Variants in CLCN7 observed in about 807,000 individuals in gnomAD.
CLCN7 encodes the protein H(+)/Cl(-) exchange transporter 7.
In CLCN7, 60 loss-of-function variants were observed where a neutral mutation model predicts 102.1. The ratio of observed to expected loss-of-function variants is 0.59; its 90% confidence interval spans 0.48 to 0.73. CLCN7 has a LOEUF of 0.73. Ranked by LOEUF, CLCN7 falls within the 30% of genes least tolerant of loss-of-function variation. The pLI is 0.00. For synonymous variants in CLCN7, 560 were observed against 490.5 expected (o/e 1.14, Z -1.87); for missense variants, 962 against 1,125.7 (o/e 0.85, Z 2.08).
chr16:1,450,320 C>T, intron 17 of CLCN7, 177 bp downstream of exon 17: 1 of 583,910 alleles, frequency 1.7e-6, no homozygotes, highest in East Asian at 2.7e-5. Context: ...TACACGCTGC[C>T]ACCACAGCAG....
chr16:1,446,258 G>T lies in CLCN7; in HGVS notation c.*373C>A. The T allele has an allele frequency of 1.5e-6, 1 of 682,194 alleles. No individual in the cohort carries two copies. The highest frequency in any genetic ancestry group is 3.6e-4 in the Middle Eastern group (1 of 2,758). 42.3% of individuals were successfully genotyped at this position (682,194 alleles called of 1,614,324 possible). A position where few individuals can be genotyped will look rare whatever the true frequency, so the allele number is the denominator to read the frequency against. On this transcript the variant is annotated 3_prime_UTR_variant, in exon 25 of 25. Coordinates refer to ENST00000382745, the MANE Select transcript of CLCN7 (RefSeq NM_001287.6). ...GGCAGCCCTCGGGGCAGCAGCAGGG[G>T]CAAGGGCTCTGTCTCACGCACACGG...
At chr16:1,452,336 G>C (rs766726148) in intron 15 of CLCN7, 1 of 266,874 alleles carries the variant, frequency 3.7e-6, no homozygotes, top group Non-Finnish European at 7.4e-6. Flanking sequence ...GTTCCTCTGA[G>C]CGTAGTGCTT....
chr16:1,447,738 G>T, intron 21 of CLCN7, 24 bp from the exon 22 acceptor site: 1 of 1,549,060 alleles, frequency 6.5e-7, no homozygotes. Context: ...CCGCGGTCAG[G>T]GCCACGGGCC....
chr16:1,460,458 G>A lies in CLCN7; in HGVS notation c.554C>T (p.Ala185Val). ...SLLLWATLNA[A>V]FVLVGSVIVA... ...AATCACAGAGCCCACGAGCACGAAG[G>A]CGGCGTTCAGCGTGGCCCACAGCAA... is the stretch of plus-strand genomic sequence containing the variant. Residue 185 changes from alanine to valine, a missense_variant, in exon 6 of 25, where the codon GCC (alanine) becomes GTC (valine). Ala to Val is a moderately conservative substitution (Grantham distance 64, BLOSUM62 0). Coordinates refer to ENST00000382745, the MANE Select transcript of CLCN7 (RefSeq NM_001287.6). 1 of 1,613,810 alleles carries A rather than the reference G, an allele frequency of 6.2e-7. No individual in the cohort carries two copies. Among genetic ancestry groups the A allele is most frequent in the Non-Finnish European group, 8.5e-7 (1 of 1,179,988 alleles).
At chr16:1,453,809 G>A (rs750650639) in intron 14 of CLCN7, 25 bp downstream of exon 14, 46 of 1,611,598 alleles carry the variant, frequency 2.9e-5, no homozygotes, top group Non-Finnish European at 2.5e-5. Flanking sequence ...CTGCCAACGC[G>A]ATATGCAATG....
rs2038865553 is a variant in CLCN7, at chr16:1,457,996, C to G, written c.676-240G>C. Reference sequence around the variant, plus strand: ...CTCTGTGGCCTCAGCACTGAGCAGGCAAGGGGTTCTTTCGTTTCCTTCCTT... The same window carrying G: ...CTCTGTGGCCTCAGCACTGAGCAGGGAAGGGGTTCTTTCGTTTCCTTCCTT... On this transcript the variant is annotated intron_variant, in intron 7 of 24. Transcript: ENST00000382745. This position sits in a 1 kb window ranked among gnomAD's most constrained non-coding sequence, Gnocchi z 5.4. 6.6e-6 allele frequency among the ~76,000 whole-genome samples: 1 copy of G among 152,204 alleles called. No homozygotes were observed.
chr16:1,474,764 G>T, intron 1 of CLCN7, 70 bp downstream of exon 1: 3 of 1,195,398 alleles, frequency 2.5e-6, no homozygotes, highest in Non-Finnish European at 2.1e-6. Flanking sequence ...CCGCCAGAAG[G>T]CTCACGAGGG....
intron 18 of CLCN7, 28 bp from the exon 19 acceptor site, chr16:1,449,121 C>G (rs749153900): frequency 6.8e-6 from 11 of 1,612,504 alleles, no homozygotes; most frequent in Middle Eastern, 1.7e-4. Context: ...AACCCCAGCA[C>G]GTCCACCCTC....
rs2235578 is a variant in CLCN7 at position 1,448,196 on chromosome 16, A to G, written c.2013+159T>C. On this transcript the variant is annotated intron_variant, in intron 21 of 24. Transcript: ENST00000382745. ...CCCCCACCAGCCTCAGCGTCCACAC[A>G]GCCCTCCATGGCTGCACACTCAGCT... 0.42 allele frequency: 417,954 copies of G among 999,580 alleles called. 91,748 individuals carry two copies. Among genetic ancestry groups the G allele is most frequent in the East Asian group, 0.79 (29,873 of 37,670 alleles). The allele number at this position is 999,580 out of a possible 1,614,324, so 61.9% of individuals were successfully genotyped here.
intron 10 of CLCN7, 116 bp from the exon 11 acceptor site, chr16:1,455,911 G>T (rs1026037931): frequency 1.7e-6 from 2 of 1,211,234 alleles, no homozygotes; most frequent in African/African-American, 3.0e-5. Flanking sequence ...AGCTAATGGG[G>T]TGGGCCCCAG....
In CLCN7 at chr16:1,446,188, C is replaced by T. The variant is rs1222606525; in HGVS notation, c.*443G>A. The T allele has an allele frequency of 2.0e-5, 12 of 609,928 alleles. No homozygotes were observed. Among genetic ancestry groups the T allele is most frequent in the African/African-American group, 3.7e-5 (2 of 53,992 alleles). The allele number at this position is 609,928 out of a possible 1,614,324, so 37.8% of individuals were successfully genotyped here. A position where few individuals can be genotyped will look rare whatever the true frequency, so the allele number is the denominator to read the frequency against. The stretch of plus-strand genomic sequence containing the variant: ...ATGAGGCCAAGCAGCTCCCAAGTCT[C>T]GAAGACTCCACTGGTGTGGAGGCAG... On this transcript the variant is annotated 3_prime_UTR_variant, in exon 25 of 25. Coordinates refer to ENST00000382745, the MANE Select transcript of CLCN7 (RefSeq NM_001287.6).
chr16:1,464,714 C>G (rs893792882), intron 2 of CLCN7, among the ~76,000 whole-genome samples: 1 of 152,246 alleles, frequency 6.6e-6, no homozygotes, highest in African/African-American at 2.4e-5. Context: ...ATCATCTCAA[C>G]AGGAGTCCCG....
At position 1,461,373 on chromosome 16, in the gene CLCN7, T is replaced by TG. The variant is rs1284001218; in HGVS notation, c.351+31dup. ...CCGGCCGGCACCAGGCCCCGCACCG[T>TG]GGGGCCCTGCAGGGAGCGGCGTCCA... On this transcript the variant is annotated intron_variant, in intron 4 of 24. Transcript: ENST00000382745. The TG allele has an allele frequency of 3.9e-6, 6 of 1,533,730 alleles. No homozygotes were observed. In the South Asian group the frequency reaches 7.2e-5, roughly 18 times the overall value.
intron 1 of CLCN7, among the ~76,000 whole-genome samples, chr16:1,470,535 G>A (rs2039064430): frequency 6.6e-6 from 1 of 152,218 alleles, no homozygotes; most frequent in African/African-American, 2.4e-5. Flanking sequence ...CCAAGGAGAG[G>A]CCTTTGCTGT....
intron 1 of CLCN7, among the ~76,000 whole-genome samples, chr16:1,465,740 C>A (rs1364478992): frequency 2.0e-5 from 3 of 152,250 alleles, no homozygotes; most frequent in African/African-American, 7.2e-5. Flanking sequence ...CTGCCACCTC[C>A]ACAGAGTCAC....
rs376661688 is a variant in CLCN7 at position 1,446,747 on chromosome 16, C to T, written c.2332-30G>A. The stretch of plus-strand genomic sequence containing the variant: ...AGGACAAGTCCAGGCCACAGTGACA[C>T]ACGGGTCGGCTCCCGCCTGCCTGTG... On this transcript the variant is annotated intron_variant, in intron 24 of 24. Transcript: ENST00000382745. The T allele has an allele frequency of 7.4e-4, 1,141 of 1,537,152 alleles. 12 individuals carry two copies. The African/African-American group carries it at 0.014, about 19-fold the overall frequency.
intron 24 of CLCN7, 113 bp downstream of exon 24, chr16:1,446,893 C>A: frequency 8.4e-7 from 1 of 1,190,726 alleles, no homozygotes; most frequent in Non-Finnish European, 1.2e-6. Context: ...TGGGCCGACT[C>A]GGTGCTGGGT....
Position 1,446,678 on chromosome 16 carries a change from G to A in CLCN7, c.2371C>T (p.Arg791Cys). 3.8e-6 allele frequency: 6 copies of A among 1,588,934 alleles called. No homozygotes were observed. The highest frequency in any genetic ancestry group is 2.3e-5 in the East Asian group (1 of 43,304). Residue 791 changes from arginine to cysteine, a missense_variant, in exon 25 of 25, where the codon CGC (arginine) becomes TGC (cysteine). By Grantham distance (180) the Arg-to-Cys change is radical (BLOSUM62 -3). Transcript: ENST00000382745. ...TCCTCCAAGCCTCTCTTTCCCAGGC[G>A]GTACCTGGCGAGGTCCTTCCTGGTC... Reference protein sequence around the residue: ...LVTRKDLARYRLGKRGLEELS... With the variant: ...LVTRKDLARYCLGKRGLEELS...
At position 1,454,396 on chromosome 16, in the gene CLCN7, G is replaced by A; in HGVS notation, c.1153+15C>T. The A allele has an allele frequency of 1.2e-6, 2 of 1,612,840 alleles. No individual in the cohort carries two copies. The highest frequency in any genetic ancestry group is 1.7e-6 in the Non-Finnish European group (2 of 1,179,544). On this transcript the variant is annotated intron_variant, in intron 13 of 24. Transcript: ENST00000382745. ...GCCCGCAGGCCGTCCCTGCGGTGCT[G>A]GGAGAAGCCCTTACCCACCACGCCC...
Sources: allele counts gnomAD v4.1 joint callset (sites outside exome capture counted in the v4.1 genomes callset), GRCh38; gene constraint gnomAD v4.1.1; non-coding constraint Gnocchi (gnomAD v3.1); transcripts MANE v1.5; gene names NCBI Gene and HGNC (gene_info 2026-07-23, HGNC 2026-07-21).